The following SLC37A1 variants were observed in gnomAD, a reference collection of about 807,000 sequenced individuals.
SLC37A1 encodes the protein glucose-6-phosphate exchanger SLC37A1.
Under a neutral mutation model 75.3 loss-of-function variants are expected in SLC37A1, and 49 were observed. That is an observed-to-expected ratio of 0.65 (90% CI 0.52 to 0.83). SLC37A1 has a LOEUF of 0.83. Among genes scored for constraint, SLC37A1 ranks in the 40% least tolerant of loss-of-function variants. The probability of loss-of-function intolerance (pLI) is 0.00; values close to 1 mark genes in which losing one functional copy is unlikely to be tolerated. For synonymous variants in SLC37A1, 268 were observed against 292.1 expected (o/e 0.92, Z 0.84); for missense variants, 566 against 695.0 (o/e 0.81, Z 2.09).
At position 42,518,276 on chromosome 21, in the gene SLC37A1, G is replaced by T; in HGVS notation, c.-178-1G>T. The T allele has an allele frequency of 1.5e-6, 1 of 678,534 alleles. No individual in the cohort carries two copies. Among genetic ancestry groups the T allele is most frequent in the South Asian group, 1.7e-5 (1 of 58,248 alleles). 42.0% of individuals were successfully genotyped at this position (678,534 alleles called of 1,614,324 possible). On this transcript the variant is annotated splice_acceptor_variant, in intron 1 of 19. Coordinates refer to ENST00000352133, the MANE Select transcript of SLC37A1 (RefSeq NM_001320537.2). LOFTEE classifies it low-confidence loss of function (5UTR_SPLICE). ...CTGAATGCCTCTCCTCCTCCTTGTA[G>T]AGAGCAGAGCCACTGCCAGAAGGAA...
intron 3 of SLC37A1, among the ~76,000 whole-genome samples, chr21:42,532,744 A>T (rs902418431): frequency 2.3e-4 from 35 of 152,120 alleles, no homozygotes; most frequent in African/African-American, 8.2e-4. Flanking sequence ...AGCCAGGGGG[A>T]CCCAAGCAGT....
At chr21:42,574,145 A>G (rs2056255102) in intron 17 of SLC37A1, among the ~76,000 whole-genome samples, 1 of 152,208 alleles carries the variant, frequency 6.6e-6, no homozygotes, top group Admixed American at 6.5e-5. Flanking sequence ...TGTACTTCCT[A>G]AAAACAAGGA....
At chr21:42,505,588 G>A (rs115858221) in intron 2 of SLC37A1, among the ~76,000 whole-genome samples, 1,533 of 152,252 alleles carry the variant, frequency 0.01, 21 homozygotes, top group African/African-American at 0.035. Context: ...ACCCCTCAGA[G>A]TCAACCTAGA....
At chr21:42,562,466 A>G (rs1309359540) in intron 12 of SLC37A1, among the ~76,000 whole-genome samples, 1 of 152,182 alleles carries the variant, frequency 6.6e-6, no homozygotes, top group East Asian at 1.9e-4. Flanking sequence ...AACGTGGGCT[A>G]CACTGAACTT....
rs1267646224 is a variant in SLC37A1, at chr21:42,513,945, C to T, written c.-951C>T. The T allele has an allele frequency of 3.4e-5, 5 of 146,452 alleles. No homozygotes were observed. Among genetic ancestry groups the T allele is most frequent in the Non-Finnish European group, 7.6e-5 (5 of 65,738 alleles). The allele number at this position is 146,452 out of a possible 1,614,324, so 9.1% of individuals were successfully genotyped here. A position where few individuals can be genotyped will look rare whatever the true frequency, so the allele number is the denominator to read the frequency against. On this transcript the variant is annotated 5_prime_UTR_variant, in exon 1 of 20. Coordinates refer to ENST00000352133, the MANE Select transcript of SLC37A1 (RefSeq NM_001320537.2). Reference sequence around the variant, plus strand: ...CGCAGGTGAGGCGCGGGGCCGGGGCCGGACCGGGAGGCGGGGACCCCCCGC... The same window carrying T: ...CGCAGGTGAGGCGCGGGGCCGGGGCTGGACCGGGAGGCGGGGACCCCCCGC...
chr21:42,554,459 G>A (rs1878069), intron 10 of SLC37A1, among the ~76,000 whole-genome samples: 83,236 of 151,990 alleles, frequency 0.55, 24,016 homozygotes, highest in Admixed American at 0.67. Context: ...GGTGCCAAGC[G>A]GCAGGAAGAC....
At chr21:42,520,223 C>A (rs1415569791) in intron 2 of SLC37A1, among the ~76,000 whole-genome samples, 1 of 152,186 alleles carries the variant, frequency 6.6e-6, no homozygotes, top group Non-Finnish European at 1.5e-5. Context: ...TCTGTGATAG[C>A]ATTTCTTCTT....
chr21:42,554,229 T>C, intron 10 of SLC37A1, 87 bp downstream of exon 10: 2 of 1,121,524 alleles, frequency 1.8e-6, no homozygotes, highest in Non-Finnish European at 2.6e-6. Context: ...TCCCTCTGCC[T>C]ATGTGACATG....
rs1003440854 is a variant in SLC37A1, at chr21:42,548,871, A to G, written c.768+1731A>G. Among the ~76,000 whole-genome samples, 78 of 152,084 alleles carry G rather than the reference A, an allele frequency of 5.1e-4. No individual in the cohort carries two copies. The highest frequency in any genetic ancestry group is 3.4e-3 in the Middle Eastern group (1 of 292). On this transcript the variant is annotated intron_variant, in intron 9 of 19. Transcript: ENST00000352133. This position sits in a 1 kb window ranked among gnomAD's most constrained non-coding sequence, Gnocchi z 5.6. ...GGGGCAGCACCTGGCCTCGTGCGGG[A>G]GGGGGGCCAGAGTCCTTTTTCTGTC...
intron 2 of SLC37A1, among the ~76,000 whole-genome samples, chr21:42,503,739 T>C (rs951044627): frequency 1.3e-5 from 2 of 152,170 alleles, no homozygotes; most frequent in African/African-American, 2.4e-5. Flanking sequence ...AATTATCTAG[T>C]TACTAGGACA....
chr21:42,554,270 CTG>C, intron 10 of SLC37A1, 128 bp downstream of exon 10: 1 of 791,850 alleles, frequency 1.3e-6, no homozygotes, highest in Non-Finnish European at 2.0e-6. Context: ...TAAAAAAATT[CTG>C]TCTCATTGTA....
intron 1 of SLC37A1, among the ~76,000 whole-genome samples, chr21:42,517,122 A>G (rs1261812073): frequency 6.6e-6 from 1 of 152,230 alleles, no homozygotes. Context: ...AATGAGGATA[A>G]TATCAGCTAG....
At chr21:42,534,220 G>A (rs1173056599) in intron 3 of SLC37A1, among the ~76,000 whole-genome samples, 1 of 152,098 alleles carries the variant, frequency 6.6e-6, no homozygotes, top group Non-Finnish European at 1.5e-5. Context: ...TTTCATGTCT[G>A]CCTCCTTCTG....
In SLC37A1 at chr21:42,548,867, C is replaced by T. The variant is rs1353328577; in HGVS notation, c.768+1727C>T. On this transcript the variant is annotated intron_variant, in intron 9 of 19. Coordinates refer to ENST00000352133, the MANE Select transcript of SLC37A1 (RefSeq NM_001320537.2). This position sits in a 1 kb window ranked among gnomAD's most constrained non-coding sequence, Gnocchi z 5.6. ...ACCTGGGGCAGCACCTGGCCTCGTG[C>T]GGGAGGGGGGCCAGAGTCCTTTTTC... is the stretch of plus-strand genomic sequence containing the variant. Among the ~76,000 whole-genome samples the T allele has an allele frequency of 2.0e-5, 3 of 152,118 alleles. No individual in the cohort carries two copies. Among genetic ancestry groups the T allele is most frequent in the African/African-American group, 4.8e-5 (2 of 41,426 alleles).
At chr21:42,527,771 G>A (rs979052631) in intron 3 of SLC37A1, among the ~76,000 whole-genome samples, 6 of 152,168 alleles carry the variant, frequency 3.9e-5, no homozygotes, top group South Asian at 2.1e-4. Context: ...CCTCCTAAAC[G>A]CACAGATTTC....
At chr21:42,530,593 GATACACACACACACAC>G (rs2054922973) in intron 3 of SLC37A1, among the ~76,000 whole-genome samples, 1 of 109,146 alleles carries the variant, frequency 9.2e-6, no homozygotes, top group East Asian at 3.5e-4. Context: ...AAATGCAGAT[GATACACACACACACAC>G]ACACACACAC....
At chr21:42,533,423 C>T (rs1210906460) in intron 3 of SLC37A1, among the ~76,000 whole-genome samples, 2 of 152,186 alleles carry the variant, frequency 1.3e-5, no homozygotes, top group African/African-American at 4.8e-5. Context: ...ACAGAGGCCA[C>T]CAGGGAGGGA....
intron 1 of SLC37A1, 144 bp from the exon 2 acceptor site, chr21:42,518,133 G>C (rs945227666): frequency 2.4e-4 from 80 of 338,018 alleles, no homozygotes; most frequent in African/African-American, 1.6e-3. Flanking sequence ...AACACTGCTG[G>C]TGGGGGCCCC....
intron 2 of SLC37A1, among the ~76,000 whole-genome samples, 179 bp downstream of exon 2, chr21:42,518,689 G>A (rs2054572500): frequency 6.6e-6 from 1 of 152,178 alleles, no homozygotes; most frequent in African/African-American, 2.4e-5. Context: ...CAGTGCTGAG[G>A]TGTCCTTTGT....
Sources: gnomAD v4.1 joint callset for allele counts (sites outside exome capture counted in the v4.1 genomes callset) on GRCh38, gnomAD v4.1.1 for gene constraint, Gnocchi (gnomAD v3.1) non-coding constraint, MANE v1.5 for transcripts, NCBI Gene and HGNC (gene_info 2026-07-23, HGNC 2026-07-21) for gene names.